Variants in ARMC10 observed in about 807,000 individuals in gnomAD.
ARMC10 encodes the protein armadillo repeat containing 10.
Under a neutral mutation model 30.2 loss-of-function variants are expected in ARMC10, and 23 were observed. That is an observed-to-expected ratio of 0.76 (90% CI 0.55 to 1.08). ARMC10 has a LOEUF of 1.08. Ranked by LOEUF, ARMC10 falls within the 50% of genes least tolerant of loss-of-function variation. ARMC10 has a pLI of 0.00. For missense variants in ARMC10, 303 were observed against 413.7 expected (o/e 0.73, Z 2.32); for synonymous variants, 111 against 164.4 (o/e 0.68, Z 2.48).
At chr7:103,095,781 G>C (rs962827268) in intron 5 of ARMC10, 1 of 152,190 alleles carries the variant, frequency 6.6e-6, no homozygotes. Flanking sequence ...CATGTCCTTT[G>C]TAGGGACATG....
intron 2 of ARMC10, among the ~76,000 whole-genome samples, chr7:103,080,868 C>T (rs1053934717): frequency 7.3e-5 from 11 of 151,376 alleles, no homozygotes; most frequent in East Asian, 2.0e-4. Flanking sequence ...CCTCGTGATC[C>T]GCCCATCTCA....
intron 3 of ARMC10, chr7:103,084,127 C>A: frequency 9.5e-7 from 1 of 1,054,936 alleles, no homozygotes; most frequent in Non-Finnish European, 1.3e-6. Context: ...TTCAGCAGTG[C>A]TTCAGTAAAA....
chr7:103,078,353 A>C (rs1249979553), intron 2 of ARMC10, among the ~76,000 whole-genome samples: 1 of 152,186 alleles, frequency 6.6e-6, no homozygotes, highest in Non-Finnish European at 1.5e-5. Flanking sequence ...TCACGGGGGC[A>C]GTTCCCCTCC....
intron 6 of ARMC10, 144 bp downstream of exon 6, chr7:103,097,492 GTA>G: frequency 3.8e-6 from 2 of 530,642 alleles, no homozygotes; most frequent in East Asian, 6.4e-5. Flanking sequence ...AATTCATTTT[GTA>G]TGTGTAAATT....
Position 103,098,382 on chromosome 7 carries a change from A to G in ARMC10, c.861A>G (p.Ile287Met), listed in dbSNP as rs367700739. The change falls in exon 7 of 7, where the codon ATA becomes ATG. Residue 287 changes from isoleucine to methionine, a missense_variant. Physicochemically the swap from Ile to Met is conservative, Grantham distance 10 (BLOSUM62 1). Around this residue, in one of 4 missense-constraint regions of ARMC10, gnomAD observed 26 missense variants for 94.7 expected, o/e 0.27. Transcript: ENST00000323716. Reference sequence around the variant, plus strand: ...GAGTACTTACGCTATTTCAGAATATAAAGAACTGCCTCAAAATAGAAGGCC... The same window carrying G: ...GAGTACTTACGCTATTTCAGAATATGAAGAACTGCCTCAAAATAGAAGGCC... ...LLRVLTLFQN[I>M]KNCLKIEGHL... is the part of the protein sequence containing the mutation. The G allele has an allele frequency of 2.5e-5, 41 of 1,614,076 alleles. No individual in the cohort carries two copies. In the African/African-American group the frequency reaches 5.1e-4, roughly 20 times the overall value.
intron 4 of ARMC10, among the ~76,000 whole-genome samples, chr7:103,087,268 A>G (rs745435081): frequency 4.6e-5 from 7 of 152,190 alleles, no homozygotes; most frequent in African/African-American, 7.2e-5. Context: ...AGCTCTTTCA[A>G]TGGATGAGGC....
At chr7:103,083,638 G>A (rs772579262) in intron 2 of ARMC10, 44 bp from the exon 3 acceptor site, 20 of 1,550,228 alleles carry the variant, frequency 1.3e-5, no homozygotes, top group East Asian at 1.1e-4. Context: ...AAATAACCTC[G>A]TATTGATTTT....
chr7:103,075,464 C>A, intron 1 of ARMC10, 53 bp downstream of exon 1: 1 of 1,272,048 alleles, frequency 7.9e-7, no homozygotes, highest in South Asian at 3.5e-5. Flanking sequence ...GGGGGGCTCC[C>A]CAGGCCGGGG....
intron 3 of ARMC10, 118 bp from the exon 4 acceptor site, chr7:103,086,512 A>G: frequency 9.0e-7 from 1 of 1,116,052 alleles, no homozygotes. Flanking sequence ...TGTATATGGG[A>G]AAGAGATTTC....
intron 2 of ARMC10, chr7:103,081,905 A>C (rs760779357): frequency 3.5e-5 from 16 of 456,540 alleles, no homozygotes; most frequent in South Asian, 2.5e-4. Flanking sequence ...GACCCCCAAA[A>C]ATAGTAAGTG....
intron 5 of ARMC10, among the ~76,000 whole-genome samples, chr7:103,094,723 C>A (rs1801624948): frequency 6.6e-6 from 1 of 152,162 alleles, no homozygotes; most frequent in Admixed American, 6.5e-5. Flanking sequence ...CTGATAGTGA[C>A]CTCCACGGAG....
chr7:103,091,457 G>A (rs1215116179), intron 4 of ARMC10, among the ~76,000 whole-genome samples: 2 of 150,602 alleles, frequency 1.3e-5, no homozygotes, highest in Admixed American at 1.3e-4. Flanking sequence ...CTTTTTACCA[G>A]TGATAGTTAA....
At chr7:103,096,556 TA>T (rs1229385547) in intron 5 of ARMC10, 2 of 152,312 alleles carry the variant, frequency 1.3e-5, no homozygotes, top group African/African-American at 4.8e-5. Context: ...TTTTAAAGAT[TA>T]TATTTCTTTA....
At chr7:103,079,780 A>G (rs1800213515) in intron 2 of ARMC10, among the ~76,000 whole-genome samples, 1 of 152,232 alleles carries the variant, frequency 6.6e-6, no homozygotes, top group Admixed American at 6.5e-5. Flanking sequence ...ACAGAATGAG[A>G]CCCTGTTTCA....
At chr7:103,094,613 C>A (rs1292712533) in intron 5 of ARMC10, among the ~76,000 whole-genome samples, 1 of 151,258 alleles carries the variant, frequency 6.6e-6, no homozygotes, top group African/African-American at 2.4e-5. Context: ...ACCTCCTGTT[C>A]CTATTTTTCT....
chr7:103,086,734 T>G lies in ARMC10; in HGVS notation c.498T>G (p.Ser166Arg), dbSNP rs961778255. 1.9e-6 allele frequency: 3 copies of G among 1,592,598 alleles called. No homozygotes were observed. Among genetic ancestry groups the G allele is most frequent in the Non-Finnish European group, 2.6e-6 (3 of 1,174,606 alleles). ...EKALNALNNL[S>R]VNVENQIKIK... Reference sequence around the variant, plus strand: ...CTTTAAATGCACTAAATAACCTGAGTGTGAATGTTGAAAATCAAATCAAGA... The same window carrying G: ...CTTTAAATGCACTAAATAACCTGAGGGTGAATGTTGAAAATCAAATCAAGA... The change falls in exon 4 of 7, where the codon AGT (serine) becomes AGG (arginine). Residue 166 changes from serine to arginine, a missense_variant. Coordinates refer to ENST00000323716, the MANE Select transcript of ARMC10 (RefSeq NM_031905.5).
At chr7:103,087,625 C>A in intron 4 of ARMC10, 2 of 213,422 alleles carry the variant, frequency 9.4e-6, no homozygotes, top group Non-Finnish European at 1.6e-5. Context: ...CAGGTCAAGA[C>A]AATCACGAAA....
chr7:103,077,194 A>C (rs1383124964), intron 2 of ARMC10, among the ~76,000 whole-genome samples: 1 of 152,174 alleles, frequency 6.6e-6, no homozygotes, highest in Non-Finnish European at 1.5e-5. Context: ...CCTGGCCAAT[A>C]AAGGATTTTT....
intron 5 of ARMC10, among the ~76,000 whole-genome samples, chr7:103,095,262 T>A (rs1225619039): frequency 1.3e-5 from 2 of 152,124 alleles, no homozygotes; most frequent in African/African-American, 4.8e-5. Flanking sequence ...CCTGGCTGAT[T>A]TTTGTATTTT....
Sources: allele counts gnomAD v4.1 joint callset (sites outside exome capture counted in the v4.1 genomes callset), GRCh38; gene constraint gnomAD v4.1.1; regional missense constraint gnomAD v4.1.1; transcripts MANE v1.5; gene names NCBI Gene and HGNC (gene_info 2026-07-23, HGNC 2026-07-21).